Variants in DMD observed in about 807,000 individuals in gnomAD.
DMD encodes dystrophin.
In DMD, 63 loss-of-function variants were observed where a neutral mutation model predicts 330.1. The observed-to-expected ratio is 0.19, with a 90% CI of 0.16 to 0.24. The LOEUF (loss-of-function observed/expected upper bound fraction) is 0.24. Ranked by LOEUF, DMD falls within the 10% of genes least tolerant of loss-of-function variation. DMD has a pLI of 1.00. For synonymous variants in DMD, 1,223 were observed against 959.8 expected (o/e 1.27, Z -5.07); for missense variants, 3,344 against 2,684.1 (o/e 1.25, Z -5.43).
intron 19 of DMD, among the ~76,000 whole-genome samples, chrX:32,496,275 A>G (rs1279585924): frequency 9.0e-6 from 1 of 111,675 alleles, no homozygotes; most frequent in Non-Finnish European, 1.9e-5. Context: ...CTTAAAATAA[A>G]GCTGCTAATA....
chrX:31,468,086 A>G (rs1244073006), intron 59 of DMD, among the ~76,000 whole-genome samples: 1 of 111,003 alleles, frequency 9.0e-6, no homozygotes, highest in African/African-American at 3.3e-5. Flanking sequence ...CTAGCAGTCT[A>G]TCTATTTTGT....
intron 1 of DMD, among the ~76,000 whole-genome samples, chrX:33,268,676 C>T (rs2053092098): frequency 9.0e-6 from 1 of 111,600 alleles, no homozygotes; most frequent in African/African-American, 3.3e-5. Context: ...CCTGTAATCC[C>T]AGCACTGTAG....
intron 11 of DMD, among the ~76,000 whole-genome samples, chrX:32,630,524 G>C (rs2058662945): frequency 9.1e-6 from 1 of 109,917 alleles, no homozygotes; most frequent in African/African-American, 3.3e-5. Flanking sequence ...AAACTTTTTA[G>C]GACTTTTTTG....
At chrX:33,202,270 A>G (rs2051317934) in intron 1 of DMD, among the ~76,000 whole-genome samples, 1 of 111,445 alleles carries the variant, frequency 9.0e-6, no homozygotes, top group Non-Finnish European at 1.9e-5. Context: ...GTGACAACTG[A>G]CTGGTTAAGA....
rs2147260815 is a variant in DMD, at chrX:32,365,150, G to A, written c.4895C>T (p.Thr1632Ile). The A allele has an allele frequency of 8.3e-7, 1 of 1,210,875 alleles. No homozygotes were observed. The highest frequency in any genetic ancestry group is 1.1e-6 in the Non-Finnish European group (1 of 895,086). The stretch of plus-strand genomic sequence containing the variant: ...TGTTTTCAAGGCCTCTCCTACCTCT[G>A]TGATACTCTTCAGGTGCACCTTCTG... ...EKQKVHLKSI[T>I]EVGEALKTVL... Residue 1632 changes from threonine to isoleucine, a missense_variant, in exon 35 of 79, where the codon ACA (threonine) becomes ATA (isoleucine). Coordinates refer to ENST00000357033, the MANE Select transcript of DMD (RefSeq NM_004006.3).
intron 1 of DMD, among the ~76,000 whole-genome samples, chrX:33,290,403 C>G (rs1482424914): frequency 9.0e-6 from 1 of 111,286 alleles, no homozygotes; most frequent in Non-Finnish European, 1.9e-5. Context: ...TTCCGTTTGA[C>G]TAAATCTCAT....
chrX:33,106,082 A>C (rs900402774), intron 1 of DMD, among the ~76,000 whole-genome samples: 2 of 110,134 alleles, frequency 1.8e-5, no homozygotes, highest in African/African-American at 6.6e-5. Context: ...ACACACACAC[A>C]CCATAGAATA....
At chrX:32,836,958 C>A (rs2079697357) in intron 4 of DMD, among the ~76,000 whole-genome samples, 1 of 111,459 alleles carries the variant, frequency 9.0e-6, no homozygotes, top group Non-Finnish European at 1.9e-5. Context: ...TGACTCTCAG[C>A]GTGTCTTTCT....
chrX:31,394,938 T>TGAGACAGAGAGAGAGAGAGAGAGAGAGA (rs2060848883), intron 60 of DMD, among the ~76,000 whole-genome samples: 1 of 86,854 alleles, frequency 1.2e-5, no homozygotes, highest in African/African-American at 4.7e-5. Context: ...GAGAGAAGGG[T>TGAGACAGAGAGAGAGAGAGAGAGAGAGA]GAGAGAGAGA....
At position 31,382,577 on chromosome X, in the gene DMD, G is replaced by C. The variant is rs181937642; in HGVS notation, c.9085-33943C>G. On this transcript the variant is annotated intron_variant, in intron 60 of 78. Transcript: ENST00000357033. The stretch of plus-strand genomic sequence containing the variant: ...CTCCTTAGGCACTCTCTAATTAGAC[G>C]TCCTAGGTCCTCCCAATTCTTCGTC... Among the ~76,000 whole-genome samples the C allele has an allele frequency of 6.8e-3, 759 of 111,433 alleles. 5 individuals are homozygous for C. Among genetic ancestry groups the C allele is most frequent in the Non-Finnish European group, 8.8e-3 (469 of 53,120 alleles).
Position 31,120,361 on chromosome X carries a change from A to ACTTACTTACAAACCTGTGT in DMD, c.*1557_*1558insACACAGGTTTGTAAGTAAG, listed in dbSNP as rs1311793910. ...AATCAATTTGCCTTCTTTCTTACTT[A>ACTTACTTACAAACCTGTGT]CTTACAAACCTGTGTGGAACTACTC... On this transcript the variant is annotated 3_prime_UTR_variant, in exon 79 of 79. Transcript: ENST00000357033. 3.6e-5 allele frequency: 4 copies of ACTTACTTACAAACCTGTGT among 111,440 alleles called. No homozygotes were observed. The highest frequency in any genetic ancestry group is 1.3e-4 in the African/African-American group (4 of 30,587). The allele number at this position is 111,440 out of a possible 1,213,427, so 9.2% of individuals were successfully genotyped here.
At position 31,681,593 on chromosome X, in the gene DMD, A is replaced by C. The variant is rs2082383709; in HGVS notation, c.7661-2007T>G. 2.7e-5 allele frequency among the ~76,000 whole-genome samples: 3 copies of C among 112,721 alleles called. No individual in the cohort carries two copies. The Admixed American group carries it at 2.8e-4, about 11-fold the overall frequency. ...TGGGTGCCTAAACCAACTGGAAGCC[A>C]AAGGGCATGGGAGCCCAATGATGAC... On this transcript the variant is annotated intron_variant, in intron 52 of 78. Coordinates refer to ENST00000357033, the MANE Select transcript of DMD (RefSeq NM_004006.3).
chrX:31,379,627 C>T (rs996807075), intron 60 of DMD, among the ~76,000 whole-genome samples: 9 of 112,108 alleles, frequency 8.0e-5, no homozygotes, highest in Non-Finnish European at 1.5e-4. Context: ...AAAGTAGAGG[C>T]AGCCAAGTAG....
chrX:31,506,865 T>C (rs757796814), intron 56 of DMD, among the ~76,000 whole-genome samples: 53 of 112,230 alleles, frequency 4.7e-4, no homozygotes, highest in Non-Finnish European at 9.6e-4. Flanking sequence ...AATTGTAATG[T>C]GTTATAAAGG....
intron 62 of DMD, among the ~76,000 whole-genome samples, chrX:31,274,050 C>G (rs2051889344): frequency 1.8e-5 from 2 of 111,879 alleles, no homozygotes; most frequent in Non-Finnish European, 3.8e-5. Flanking sequence ...GTATACAGAA[C>G]CAAATAAATT....
intron 29 of DMD, among the ~76,000 whole-genome samples, chrX:32,424,510 G>A (rs1011068467): frequency 9.0e-6 from 1 of 111,713 alleles, no homozygotes; most frequent in Non-Finnish European, 1.9e-5. Context: ...CATTTCAGGT[G>A]TACAAATAAC....
Position 32,703,540 on chromosome X carries a change from T to C in DMD, c.650-4247A>G, listed in dbSNP as rs184864678. Among the ~76,000 whole-genome samples, 404 of 111,662 alleles carry C rather than the reference T, an allele frequency of 3.6e-3. 2 individuals carry two copies. The highest frequency in any genetic ancestry group is 0.012 in the African/African-American group (381 of 30,791). ...TGTGCTATAGAATATACTTAGACTA[T>C]GTTAGATTATGAGTATATAGCAGAT... On this transcript the variant is annotated intron_variant, in intron 7 of 78. Transcript: ENST00000357033.
At chrX:32,307,910 CTGTTA>C (rs964128899) in intron 42 of DMD, among the ~76,000 whole-genome samples, 5 of 110,973 alleles carry the variant, frequency 4.5e-5, no homozygotes, top group African/African-American at 1.6e-4. Flanking sequence ...GTACTCTTGT[CTGTTA>C]TGAGTATTAT....
At position 31,197,423 on chromosome X, in the gene DMD, A is replaced by G. The variant is rs185007588; in HGVS notation, c.9807+6538T>C. On this transcript the variant is annotated intron_variant, in intron 67 of 78. Transcript: ENST00000357033. ...TATATTTCAAAATAACTAAAAGAGT[A>G]GAATTGGGAATGTTTCTAACACAGA... Among the ~76,000 whole-genome samples the G allele has an allele frequency of 5.6e-5, 6 of 107,763 alleles. No homozygotes were observed. The East Asian group carries it at 1.7e-3, about 30-fold the overall frequency. The allele number at this position is 107,763 out of a possible 115,157, so 93.6% of individuals were successfully genotyped here.
Sources: gnomAD v4.1 joint callset for allele counts (sites outside exome capture counted in the v4.1 genomes callset) on GRCh38, gnomAD v4.1.1 for gene constraint, MANE v1.5 for transcripts, NCBI Gene and HGNC (gene_info 2026-07-23, HGNC 2026-07-21) for gene names.